The following SH3RF2 variants were observed in gnomAD, a reference collection of about 807,000 sequenced individuals.
SH3RF2 encodes the protein SH3 domain containing ring finger 2, also known as E3 ubiquitin-protein ligase SH3RF2.
A neutral mutation model predicts 59.0 loss-of-function variants in SH3RF2; 43 were observed. The observed-to-expected ratio is 0.73, with a 90% CI of 0.57 to 0.94. SH3RF2 has a LOEUF of 0.94. Among genes scored for constraint, SH3RF2 ranks in the 40% least tolerant of loss-of-function variants. The pLI, the probability that SH3RF2 is intolerant of heterozygous loss-of-function variation, is 0.00. For synonymous variants in SH3RF2, 391 were observed against 391.5 expected, an observed-to-expected ratio of 1.00 and a Z score of 0.01; for missense variants, 930 against 940.1, an observed-to-expected ratio of 0.99 and a Z score of 0.14.
intron 5 of SH3RF2, among the ~76,000 whole-genome samples, 169 bp from the exon 6 acceptor site, chr5:146,047,603 T>C (rs953247298): frequency 6.6e-6 from 1 of 151,928 alleles, no homozygotes; most frequent in African/African-American, 2.4e-5. Flanking sequence ...CCTCCCCACC[T>C]CCCTGTGCCC....
At chr5:146,045,761 GT>G (rs1762278632) in intron 5 of SH3RF2, among the ~76,000 whole-genome samples, 1 of 152,100 alleles carries the variant, frequency 6.6e-6, no homozygotes, top group Non-Finnish European at 1.5e-5. Context: ...CCCGCTTTGG[GT>G]TATTATGAAT....
chr5:146,026,838 A>G (rs936736802), intron 5 of SH3RF2, among the ~76,000 whole-genome samples: 1 of 152,188 alleles, frequency 6.6e-6, no homozygotes, highest in Non-Finnish European at 1.5e-5. Context: ...GTAAAATGGG[A>G]CTAATGATGG....
Position 145,964,298 on chromosome 5 carries a change from TCC to T in SH3RF2, c.378+25993_378+25994del, listed in dbSNP as rs1232741838. ...TTCCTTCCTTCCTTCCTTCCTTCCT[TCC>T]TTCCTTTCTTTCTTTTTTTTTTTTT... On this transcript the variant is annotated intron_variant, in intron 2 of 9. Coordinates refer to ENST00000359120, the MANE Select transcript of SH3RF2 (RefSeq NM_152550.4). 6.7e-3 allele frequency among the ~76,000 whole-genome samples: 938 copies of T among 140,112 alleles called. 10 individuals are homozygous for T. Among genetic ancestry groups the T allele is most frequent in the African/African-American group, 0.025 (895 of 35,568 alleles). 91.9% of individuals were successfully genotyped at this position (140,112 alleles called of 152,430 possible).
intron 5 of SH3RF2, among the ~76,000 whole-genome samples, chr5:146,039,893 A>G (rs1299329328): frequency 6.6e-6 from 1 of 152,274 alleles, no homozygotes; most frequent in Admixed American, 6.5e-5. Context: ...TGGTATAGAC[A>G]CAGAACGAAA....
chr5:145,965,282 C>T (rs534674019), intron 2 of SH3RF2, among the ~76,000 whole-genome samples: 199 of 152,140 alleles, frequency 1.3e-3, no homozygotes, highest in Admixed American at 3.5e-3. Context: ...AGAAATGGCA[C>T]GGCCTGTTTT....
intron 4 of SH3RF2, among the ~76,000 whole-genome samples, chr5:146,010,761 TG>T (rs1479043733): frequency 6.6e-6 from 1 of 152,234 alleles, no homozygotes; most frequent in Non-Finnish European, 1.5e-5. Context: ...TTGAGTTCAT[TG>T]TAGATTCTGG....
chr5:145,973,254 T>C (rs937188682), intron 2 of SH3RF2, among the ~76,000 whole-genome samples: 2 of 152,108 alleles, frequency 1.3e-5, no homozygotes, highest in Admixed American at 1.3e-4. Flanking sequence ...TCTGAAGAAG[T>C]TGGCAATGAC....
intron 2 of SH3RF2, among the ~76,000 whole-genome samples, chr5:145,964,302 TC>T (rs1758772339): frequency 7.2e-6 from 1 of 138,214 alleles, no homozygotes; most frequent in African/African-American, 3.0e-5. Flanking sequence ...CTTCCTTCCT[TC>T]CTTTCTTTCT....
chr5:146,003,803 T>C (rs1760524655), intron 3 of SH3RF2, among the ~76,000 whole-genome samples: 1 of 152,218 alleles, frequency 6.6e-6, no homozygotes, highest in South Asian at 2.1e-4. Context: ...TGATTAAAAA[T>C]TAGAAACATT....
intron 2 of SH3RF2, among the ~76,000 whole-genome samples, chr5:145,954,015 A>G (rs1449788358): frequency 6.6e-6 from 1 of 152,240 alleles, no homozygotes; most frequent in Non-Finnish European, 1.5e-5. Flanking sequence ...GCTGCAATGA[A>G]CATTCATGTG....
In SH3RF2 at chr5:146,049,248, G is replaced by GT; in HGVS notation, c.1322+4dup. On this transcript the variant is annotated splice_donor_region_variant and intron_variant, in intron 7 of 9. Coordinates refer to ENST00000359120, the MANE Select transcript of SH3RF2 (RefSeq NM_152550.4). ...AATTACGTCATCCCCATTTTCAGGT[G>GT]TGTCGCCTCCAATCCCAGACTTTGG... The GT allele has an allele frequency of 1.2e-6, 2 of 1,600,928 alleles. No individual in the cohort carries two copies. The highest frequency in any genetic ancestry group is 1.7e-6 in the Non-Finnish European group (2 of 1,172,568).
chr5:145,976,161 A>T (rs1759285718), intron 2 of SH3RF2, among the ~76,000 whole-genome samples: 1 of 152,226 alleles, frequency 6.6e-6, no homozygotes. Context: ...ATAAAGAGGA[A>T]TAATTAACAA....
intron 4 of SH3RF2, among the ~76,000 whole-genome samples, chr5:146,011,353 G>A (rs1019525984): frequency 2.0e-4 from 31 of 152,098 alleles, no homozygotes; most frequent in Admixed American, 7.9e-4. Flanking sequence ...GGATTGACTC[G>A]GCAGTGTGGG....
chr5:146,071,646 GA>G (rs1290725491), intron 9 of SH3RF2, among the ~76,000 whole-genome samples: 2 of 152,202 alleles, frequency 1.3e-5, no homozygotes, highest in Non-Finnish European at 2.9e-5. Context: ...ACAAGATCTG[GA>G]GAAGTAATTA....
intron 2 of SH3RF2, among the ~76,000 whole-genome samples, chr5:145,958,650 C>T (rs767722011): frequency 1.3e-5 from 2 of 152,178 alleles, no homozygotes; most frequent in African/African-American, 2.4e-5. Flanking sequence ...GTAGGCCTAA[C>T]GAGAAAAATG....
Position 145,941,288 on chromosome 5 carries a change from G to A in SH3RF2, c.378+2982G>A, listed in dbSNP as rs1757804155. Reference sequence around the variant, plus strand: ...CTTCCTGTGCCAACCAGTGTTCTAGGGTGGAACCAATAGTCACACCTCATG... The same window carrying A: ...CTTCCTGTGCCAACCAGTGTTCTAGAGTGGAACCAATAGTCACACCTCATG... On this transcript the variant is annotated intron_variant, in intron 2 of 9. Coordinates refer to ENST00000359120, the MANE Select transcript of SH3RF2 (RefSeq NM_152550.4). 1.3e-5 allele frequency among the ~76,000 whole-genome samples: 2 copies of A among 152,082 alleles called. 1 individual carries two copies. Among genetic ancestry groups the A allele is most frequent in the African/African-American group, 4.8e-5 (2 of 41,396 alleles).
intron 2 of SH3RF2, among the ~76,000 whole-genome samples, chr5:145,961,174 CTTTTT>C (rs869156939): frequency 9.9e-5 from 9 of 90,988 alleles, no homozygotes; most frequent in Admixed American, 2.4e-4. Context: ...CTGCATCCTC[CTTTTT>C]TTTTTTTTTT....
At chr5:145,950,291 T>A (rs565827927) in intron 2 of SH3RF2, among the ~76,000 whole-genome samples, 5 of 152,168 alleles carry the variant, frequency 3.3e-5, no homozygotes, top group Non-Finnish European at 7.4e-5. Flanking sequence ...CTAACCAAGG[T>A]GACAAAGACC....
intron 6 of SH3RF2, 138 bp downstream of exon 6, chr5:146,048,001 A>G: frequency 1.2e-6 from 1 of 804,658 alleles, no homozygotes; most frequent in Non-Finnish European, 2.0e-6. Flanking sequence ...ACCACTTCCA[A>G]GTGAAATAAT....
Sources: gnomAD v4.1 joint callset for allele counts (sites outside exome capture counted in the v4.1 genomes callset) on GRCh38, gnomAD v4.1.1 for gene constraint, MANE v1.5 for transcripts, NCBI Gene and HGNC (gene_info 2026-07-23, HGNC 2026-07-21) for gene names.